The following CDH18 variants were observed in gnomAD, a reference collection of about 807,000 sequenced individuals.
CDH18 encodes the protein cadherin-18.
Under a neutral mutation model 67.9 loss-of-function variants are expected in CDH18, and 31 were observed. The observed-to-expected ratio is 0.46, with a 90% CI of 0.34 to 0.62. The LOEUF (loss-of-function observed/expected upper bound fraction) is 0.62, where lower values mean the gene tolerates loss of function less well. Among genes scored for constraint, CDH18 ranks in the 20% least tolerant of loss-of-function variants. The pLI is 0.01. For missense variants in CDH18, 890 were observed against 975.5 expected (o/e 0.91, Z 1.17); for synonymous variants, 362 against 347.2 (o/e 1.04, Z -0.48).
At chr5:19,829,881 G>GCCACATACC (rs1027097592) in intron 3 of CDH18, among the ~76,000 whole-genome samples, 126 of 152,194 alleles carry the variant, frequency 8.3e-4, no homozygotes, top group African/African-American at 2.9e-3. Context: ...CAGAAATAAA[G>GCCACATACC]CCACATACCT....
chr5:20,563,589 G>A (rs1018097786), intron 1 of CDH18, among the ~76,000 whole-genome samples: 1 of 152,054 alleles, frequency 6.6e-6, no homozygotes, highest in Non-Finnish European at 1.5e-5. Flanking sequence ...GGGTACATGT[G>A]TACAAGGTGC....
chr5:19,550,155 G>C lies in CDH18; in HGVS notation c.1254-6150C>G, dbSNP rs561007603. On this transcript the variant is annotated intron_variant, in intron 8 of 12. Coordinates refer to ENST00000382275, the MANE Select transcript of CDH18 (RefSeq NM_004934.5). ...GACTAGAAAAAGAGAGAAAAAAAAA[G>C]AAAGAAAAAAGCTTCATGTAGTAGG... Among the ~76,000 whole-genome samples, 433 of 152,012 alleles carry C rather than the reference G, an allele frequency of 2.8e-3. 2 individuals carry two copies. Among genetic ancestry groups the C allele is most frequent in the Non-Finnish European group, 4.8e-3 (325 of 67,916 alleles).
intron 2 of CDH18, among the ~76,000 whole-genome samples, chr5:20,252,461 T>C (rs914886564): frequency 2.0e-5 from 3 of 152,196 alleles, no homozygotes; most frequent in Non-Finnish European, 4.4e-5. Context: ...AATTAGTTGG[T>C]ATTCAATGAT....
intron 1 of CDH18, among the ~76,000 whole-genome samples, chr5:20,324,470 G>A (rs1405784363): frequency 6.6e-6 from 1 of 152,086 alleles, no homozygotes; most frequent in African/African-American, 2.4e-5. Flanking sequence ...GAACCCGGGA[G>A]GCGGAGCTTG....
intron 2 of CDH18, among the ~76,000 whole-genome samples, chr5:20,119,765 C>T (rs1748199499): frequency 6.6e-6 from 1 of 152,012 alleles, no homozygotes; most frequent in African/African-American, 2.4e-5. Flanking sequence ...GCTCATATAA[C>T]ATAAGAAAAT....
At chr5:20,272,304 G>A (rs998357009) in intron 1 of CDH18, among the ~76,000 whole-genome samples, 15 of 152,034 alleles carry the variant, frequency 9.9e-5, no homozygotes, top group African/African-American at 3.6e-4. Flanking sequence ...TTGGGTCAAA[G>A]GTTCAATGAT....
intron 11 of CDH18, among the ~76,000 whole-genome samples, chr5:19,493,087 A>T (rs1234320762): frequency 6.6e-6 from 1 of 152,204 alleles, no homozygotes; most frequent in Non-Finnish European, 1.5e-5. Context: ...ACTGAAAAGT[A>T]ATCTCTGAGT....
chr5:20,256,687 T>G (rs1460177637), intron 1 of CDH18, among the ~76,000 whole-genome samples: 2 of 151,968 alleles, frequency 1.3e-5, no homozygotes, highest in Non-Finnish European at 2.9e-5. Flanking sequence ...GAAGAAGATG[T>G]GTCAATGTTC....
chr5:19,939,080 T>C (rs1794573066), intron 2 of CDH18, among the ~76,000 whole-genome samples: 1 of 151,428 alleles, frequency 6.6e-6, no homozygotes, highest in African/African-American at 2.4e-5. Context: ...AGGTAATTAA[T>C]ATTTAGAGGA....
chr5:19,786,708 C>T lies in CDH18; in HGVS notation c.229-39472G>A, dbSNP rs569455587. Among the ~76,000 whole-genome samples the T allele has an allele frequency of 5.3e-5, 8 of 152,242 alleles. No individual in the cohort carries two copies. In the East Asian group the frequency reaches 1.2e-3, roughly 22 times the overall value. ...ACTCTTCATTGACCTGACACTTAAC[C>T]ACACATTTTACATTGGACACAGTAT... is the stretch of plus-strand genomic sequence containing the variant. On this transcript the variant is annotated intron_variant, in intron 3 of 12. Transcript: ENST00000382275.
At chr5:20,329,489 A>G (rs1273709270) in intron 1 of CDH18, among the ~76,000 whole-genome samples, 3 of 152,092 alleles carry the variant, frequency 2.0e-5, no homozygotes, top group African/African-American at 7.2e-5. Flanking sequence ...GGGGCCGGGC[A>G]TGGTTGCTCA....
chr5:19,752,667 T>C (rs190757907), intron 3 of CDH18, among the ~76,000 whole-genome samples: 1 of 152,234 alleles, frequency 6.6e-6, no homozygotes, highest in East Asian at 1.9e-4. Flanking sequence ...TTCCTCTCCA[T>C]ACTAACACAG....
Position 20,096,423 on chromosome 5 carries a change from T to C in CDH18, c.-517-104409A>G, listed in dbSNP as rs181052759. Reference sequence around the variant, plus strand: ...AGGACTACTTTGACCAAGGAAAAATTGTATCAGCAGAAAATAGAGATATGC... The same window carrying C: ...AGGACTACTTTGACCAAGGAAAAATCGTATCAGCAGAAAATAGAGATATGC... On this transcript the variant is annotated intron_variant, in intron 2 of 14. Coordinates refer to the CDH18 transcript ENST00000507958. 7.8e-4 allele frequency among the ~76,000 whole-genome samples: 118 copies of C among 152,130 alleles called. 1 individual carries two copies. The highest frequency in any genetic ancestry group is 6.8e-3 in the Middle Eastern group (2 of 294).
At chr5:20,496,728 T>C (rs1033264954) in intron 1 of CDH18, among the ~76,000 whole-genome samples, 1 of 152,130 alleles carries the variant, frequency 6.6e-6, no homozygotes, top group Non-Finnish European at 1.5e-5. Flanking sequence ...CATTCATTTA[T>C]TTCATAAAGG....
chr5:20,489,500 A>G (rs1167600175), intron 1 of CDH18, among the ~76,000 whole-genome samples: 1 of 152,098 alleles, frequency 6.6e-6, no homozygotes, highest in African/African-American at 2.4e-5. Flanking sequence ...TTTGTAAAAA[A>G]TGATCTTGTG....
chr5:20,140,329 AG>A (rs938893316), intron 2 of CDH18, among the ~76,000 whole-genome samples: 2 of 152,012 alleles, frequency 1.3e-5, no homozygotes, highest in Non-Finnish European at 2.9e-5. Context: ...GGGGTTGGGG[AG>A]GGGGAAGGGA....
intron 2 of CDH18, among the ~76,000 whole-genome samples, chr5:20,149,875 T>C (rs1750965633): frequency 6.6e-6 from 1 of 152,064 alleles, no homozygotes; most frequent in Non-Finnish European, 1.5e-5. Flanking sequence ...AGAAGATCAC[T>C]AGGAAACAGA....
intron 2 of CDH18, among the ~76,000 whole-genome samples, chr5:20,001,421 A>T (rs1182974984): frequency 6.6e-6 from 1 of 152,186 alleles, no homozygotes. Flanking sequence ...CCTTGAAAAA[A>T]AAACTTGGAA....
intron 1 of CDH18, among the ~76,000 whole-genome samples, chr5:20,281,273 G>T (rs558490423): frequency 5.6e-4 from 85 of 152,258 alleles, no homozygotes; most frequent in Admixed American, 3.7e-3. Context: ...TAGACATGAA[G>T]TCCTTGCCCA....
Sources: allele counts gnomAD v4.1 joint callset (sites outside exome capture counted in the v4.1 genomes callset), GRCh38; gene constraint gnomAD v4.1.1; transcripts MANE v1.5; gene names NCBI Gene and HGNC (gene_info 2026-07-23, HGNC 2026-07-21).